CELF2: variants seen among roughly 807,000 people sequenced by gnomAD.
CELF2 encodes the protein CUGBP Elav-like family member 2, also known as CUG triplet repeat RNA-binding protein 2.
CELF2 carries 8 observed loss-of-function variants against 62.6 expected under a neutral mutation model. The observed-to-expected ratio is 0.13, with a 90% CI of 0.07 to 0.23. The LOEUF is 0.23. Ranked by LOEUF, CELF2 falls within the 10% of genes least tolerant of loss-of-function variation. The pLI is 1.00. For synonymous variants in CELF2, 258 were observed against 250.0 expected, an observed-to-expected ratio of 1.03 and a Z score of -0.30; for missense variants, 333 against 671.0, an observed-to-expected ratio of 0.50 and a Z score of 5.56.
At chr10:10,724,930 G>C in the CELF2 span, among the ~76,000 whole-genome samples, 2 of 148,210 alleles carry the variant, frequency 1.3e-5, no homozygotes, top group African/African-American at 5.0e-5. Flanking sequence ...GCTCTGAAGG[G>C]GGCATGATTT....
intron 3 of CELF2, among the ~76,000 whole-genome samples, chr10:11,226,085 C>T (rs1238469577): frequency 6.6e-6 from 1 of 152,166 alleles, no homozygotes. Flanking sequence ...ATGGGCGTGG[C>T]TTAAGAGGCC....
At chr10:10,850,340 A>G (rs868443829) in intron 1 of CELF2, among the ~76,000 whole-genome samples, 3 of 152,180 alleles carry the variant, frequency 2.0e-5, no homozygotes, top group African/African-American at 2.4e-5. Context: ...CATGGTACCT[A>G]TGTAACTTGG....
chr10:10,796,797 T>A (rs2054163775), upstream of CELF2: 1 of 647,230 alleles, frequency 1.5e-6, no homozygotes, highest in African/African-American at 2.0e-5. Context: ...TTAAAAGTGT[T>A]ATGTAAATGT....
chr10:11,086,610 A>AAAAACC (rs1594927416), intron 1 of CELF2, among the ~76,000 whole-genome samples: 2 of 134,412 alleles, frequency 1.5e-5, no homozygotes, highest in Non-Finnish European at 3.2e-5. Context: ...AAAAAAAAAA[A>AAAAACC]CTCCCGACAG....
chr10:11,153,799 A>G (rs1372376843), intron 1 of CELF2, among the ~76,000 whole-genome samples: 2 of 152,224 alleles, frequency 1.3e-5, no homozygotes, highest in African/African-American at 4.8e-5. Context: ...TGGTACCTGA[A>G]TGGATTTCTT....
In CELF2 at chr10:11,223,633, G is replaced by C. The variant is rs931006832; in HGVS notation, c.354+6126G>C. On this transcript the variant is annotated intron_variant, in intron 3 of 12. Coordinates refer to ENST00000633077, the MANE Select transcript of CELF2 (RefSeq NM_001326342.2). This position sits in a 1 kb window ranked among gnomAD's most constrained non-coding sequence, Gnocchi z 5.1. ...ACTGTGACAGAGAGTAGCAGGGGGA[G>C]CTCCGGAGGAGTCCTTGAGGGTGCA... Among the ~76,000 whole-genome samples, 7 of 152,242 alleles carry C rather than the reference G, an allele frequency of 4.6e-5. No individual in the cohort carries two copies. Among genetic ancestry groups the C allele is most frequent in the African/African-American group, 1.7e-4 (7 of 41,474 alleles).
chr10:11,229,533 CTG>C (rs890607498), intron 3 of CELF2, among the ~76,000 whole-genome samples: 5 of 152,226 alleles, frequency 3.3e-5, no homozygotes, highest in Admixed American at 2.0e-4. Flanking sequence ...GCTTTTAAAA[CTG>C]TGTATGCCCA....
intron 2 of CELF2, among the ~76,000 whole-genome samples, chr10:11,204,609 C>G (rs1368334462): frequency 6.6e-6 from 1 of 152,214 alleles, no homozygotes; most frequent in Non-Finnish European, 1.5e-5. Flanking sequence ...AGCTGCATTC[C>G]TTAGGAGAAC....
intron 7 of CELF2, among the ~76,000 whole-genome samples, chr10:11,271,658 T>C (rs2083830489): frequency 6.6e-6 from 1 of 152,224 alleles, no homozygotes; most frequent in Admixed American, 6.5e-5. Context: ...TTCACATTTA[T>C]TAATATAATT....
the CELF2 span, among the ~76,000 whole-genome samples, chr10:10,613,761 G>A: frequency 6.6e-6 from 1 of 152,108 alleles, no homozygotes; most frequent in Non-Finnish European, 1.5e-5. Context: ...TCTCCAATAT[G>A]TGGACTTTTA....
chr10:10,881,840 G>A (rs994062950), intron 1 of CELF2, among the ~76,000 whole-genome samples: 2 of 152,204 alleles, frequency 1.3e-5, no homozygotes, highest in Non-Finnish European at 1.5e-5. Context: ...CACTTTATCA[G>A]GTTTCCGAAG....
At position 10,993,783 on chromosome 10, in the gene CELF2, G is replaced by C. The variant is rs1402123158; in HGVS notation, c.89+73784G>C. On this transcript the variant is annotated intron_variant, in intron 2 of 13. Transcript: ENST00000636488. The surrounding 1 kb of genome is among the most constrained non-coding windows in gnomAD (Gnocchi z 5.3). Reference sequence around the variant, plus strand: ...TTCTCCCCAAAATTTGTGTGTTGAAGTCCTAACCCTGGTACCTGGGAATGT... The same window carrying C: ...TTCTCCCCAAAATTTGTGTGTTGAACTCCTAACCCTGGTACCTGGGAATGT... Among the ~76,000 whole-genome samples, 3 of 152,160 alleles carry C rather than the reference G, an allele frequency of 2.0e-5. No individual in the cohort carries two copies.
At chr10:11,219,669 A>G (rs2064260366) in intron 3 of CELF2, among the ~76,000 whole-genome samples, 1 of 152,266 alleles carries the variant, frequency 6.6e-6, no homozygotes, top group Non-Finnish European at 1.5e-5. Context: ...AGCTTCGTCC[A>G]GTACACATTA....
At chr10:10,703,858 T>C in the CELF2 span, among the ~76,000 whole-genome samples, 1 of 152,190 alleles carries the variant, frequency 6.6e-6, no homozygotes, top group African/African-American at 2.4e-5. Context: ...TTCTCGAAGG[T>C]ACGATCACAG....
chr10:11,212,179 C>T (rs764622686), intron 2 of CELF2, among the ~76,000 whole-genome samples: 2 of 152,126 alleles, frequency 1.3e-5, no homozygotes, highest in Non-Finnish European at 2.9e-5. Flanking sequence ...GGAATCTGGG[C>T]GTCAAAAGCA....
At chr10:10,846,029 GAC>G in intron 1 of CELF2, 1 of 770,024 alleles carries the variant, frequency 1.3e-6, no homozygotes, top group Non-Finnish European at 1.6e-6. Flanking sequence ...TCTGTAAAAT[GAC>G]TCATTAACCT....
rs2094901635 is a variant in CELF2 at position 11,315,590 on chromosome 10, A to G, written c.1096+1332A>G. Among the ~76,000 whole-genome samples the G allele has an allele frequency of 6.6e-6, 1 of 152,230 alleles. No homozygotes were observed. Among genetic ancestry groups the G allele is most frequent in the African/African-American group, 2.4e-5 (1 of 41,462 alleles). ...CAGGTTTTAGTACATCTTTGTATTT[A>G]GTACATCTTTTGGGGAAAAGCGAAA... On this transcript the variant is annotated intron_variant, in intron 10 of 12. Coordinates refer to ENST00000633077, the MANE Select transcript of CELF2 (RefSeq NM_001326342.2). This position sits in a 1 kb window ranked among gnomAD's most constrained non-coding sequence, Gnocchi z 5.8.
the CELF2 span, among the ~76,000 whole-genome samples, chr10:10,781,958 G>T: frequency 6.6e-6 from 1 of 151,954 alleles, no homozygotes; most frequent in East Asian, 1.9e-4. Context: ...AATTTAAAAA[G>T]CAATACAGTA....
intron 1 of CELF2, among the ~76,000 whole-genome samples, chr10:11,084,751 A>G (rs2074967756): frequency 6.7e-6 from 1 of 148,386 alleles, no homozygotes; most frequent in Non-Finnish European, 1.5e-5. Context: ...AGAGAATAAA[A>G]GAAAAAAAAA....
Sources: gnomAD v4.1 joint callset for allele counts (sites outside exome capture counted in the v4.1 genomes callset) on GRCh38, gnomAD v4.1.1 for gene constraint, Gnocchi (gnomAD v3.1) non-coding constraint, MANE v1.5 for transcripts, NCBI Gene and HGNC (gene_info 2026-07-23, HGNC 2026-07-21) for gene names.